ADGRL2: variants seen among roughly 807,000 people sequenced by gnomAD.
ADGRL2 encodes adhesion G protein-coupled receptor L2.
A neutral mutation model predicts 157.4 loss-of-function variants in ADGRL2; 44 were observed. That is an observed-to-expected ratio of 0.28 (90% CI 0.22 to 0.36). The LOEUF (loss-of-function observed/expected upper bound fraction) is 0.36, where lower values mean the gene tolerates loss of function less well. ADGRL2 is among the 10% of genes least tolerant of loss of function. The pLI, the probability that ADGRL2 is intolerant of heterozygous loss-of-function variation, is 1.00. For synonymous variants in ADGRL2, 585 were observed against 624.7 expected (o/e 0.94, Z 0.95); for missense variants, 1,510 against 1,768.9 (o/e 0.85, Z 2.63).
intron 3 of ADGRL2, among the ~76,000 whole-genome samples, chr1:81,608,360 A>G (rs1238018019): frequency 6.6e-6 from 1 of 152,208 alleles, no homozygotes; most frequent in Non-Finnish European, 1.5e-5. Context: ...CTCCAGAACC[A>G]GCTTCACAGC....
At chr1:81,528,010 T>G (rs796235183) in intron 2 of ADGRL2, among the ~76,000 whole-genome samples, 1 of 152,002 alleles carries the variant, frequency 6.6e-6, no homozygotes, top group African/African-American at 2.4e-5. Flanking sequence ...GAGCTTGCAG[T>G]GAGCCGAGAT....
chr1:81,379,220 C>A (rs2076302648), intron 1 of ADGRL2, among the ~76,000 whole-genome samples: 1 of 152,252 alleles, frequency 6.6e-6, no homozygotes, highest in East Asian at 1.9e-4. Context: ...GGGTGTGGCT[C>A]GCTTCTTCAG....
chr1:81,324,493 A>T lies in ADGRL2; in HGVS notation c.-302+17984A>T, dbSNP rs1485488152. Among the ~76,000 whole-genome samples, 11 of 150,894 alleles carry T rather than the reference A, an allele frequency of 7.3e-5. No homozygotes were observed. In the East Asian group the frequency reaches 2.1e-3, roughly 29 times the overall value. On this transcript the variant is annotated intron_variant, in intron 1 of 24. Transcript: ENST00000370721. ...TACTGAACTCTAGCCTGAGTGACAG[A>T]ATGAGACCCTGTCTCAAAAAAAAAA...
At chr1:81,852,336 G>GA (rs1557775083) in intron 2 of ADGRL2, among the ~76,000 whole-genome samples, 1 of 152,030 alleles carries the variant, frequency 6.6e-6, no homozygotes, top group Non-Finnish European at 1.5e-5. Flanking sequence ...TAGAACAGAT[G>GA]AAAAACCTTC....
chr1:81,705,083 C>T lies in ADGRL2; in HGVS notation c.-143+5275C>T, dbSNP rs186892211. The stretch of plus-strand genomic sequence containing the variant: ...TTATTTATTTATTGAGACAGAGTCC[C>T]GCTCTGTCGCCCAGGCTGGAATGCA... On this transcript the variant is annotated intron_variant, in intron 1 of 20. Transcript: ENST00000359929. 1.4e-3 allele frequency among the ~76,000 whole-genome samples: 213 copies of T among 152,158 alleles called. 1 individual carries two copies. Among genetic ancestry groups the T allele is most frequent in the Middle Eastern group, 6.8e-3 (2 of 294 alleles).
intron 3 of ADGRL2, among the ~76,000 whole-genome samples, chr1:81,664,131 C>T (rs1431062137): frequency 6.6e-6 from 1 of 151,788 alleles, no homozygotes; most frequent in East Asian, 1.9e-4. Context: ...CTAAATTATC[C>T]AGATCCGGAA....
intron 3 of ADGRL2, among the ~76,000 whole-genome samples, chr1:81,581,694 T>C (rs1030341020): frequency 5.3e-5 from 8 of 152,180 alleles, no homozygotes; most frequent in African/African-American, 1.9e-4. Flanking sequence ...GATATATATT[T>C]CATCAATACT....
At chr1:81,606,745 CGT>C (rs56718232) in intron 3 of ADGRL2, among the ~76,000 whole-genome samples, 3,071 of 146,974 alleles carry the variant, frequency 0.021, 79 homozygotes, top group African/African-American at 0.06. Context: ...AGAGGATCAA[CGT>C]GTGTGTGTGT....
chr1:81,596,416 ATT>A, intron 3 of ADGRL2: 2 of 468,686 alleles, frequency 4.3e-6, no homozygotes, highest in South Asian at 3.4e-5. Context: ...TTCTCCAGAG[ATT>A]TTACATTGCA....
At chr1:81,551,264 T>C (rs1293738597) in intron 2 of ADGRL2, among the ~76,000 whole-genome samples, 2 of 152,188 alleles carry the variant, frequency 1.3e-5, no homozygotes, top group Non-Finnish European at 2.9e-5. Context: ...TCAAGTCTGC[T>C]AAAGACTAGC....
intron 1 of ADGRL2, among the ~76,000 whole-genome samples, chr1:81,357,067 A>G (rs1009766525): frequency 6.6e-6 from 1 of 151,838 alleles, no homozygotes; most frequent in African/African-American, 2.4e-5. Flanking sequence ...AGGAATAGCT[A>G]GGTAATGGCT....
intron 3 of ADGRL2, among the ~76,000 whole-genome samples, chr1:81,612,313 T>C (rs2081558368): frequency 1.3e-5 from 2 of 152,280 alleles, no homozygotes; most frequent in African/African-American, 2.4e-5. Flanking sequence ...CTTTCCAATC[T>C]GGATCAACAT....
intron 3 of ADGRL2, among the ~76,000 whole-genome samples, chr1:81,912,280 C>T (rs781731520): frequency 1.3e-4 from 19 of 151,964 alleles, no homozygotes; most frequent in Non-Finnish European, 2.5e-4. Flanking sequence ...CCATATTGTC[C>T]AGGATGGTCT....
At chr1:81,930,591 A>G (rs1438763340) in intron 3 of ADGRL2, among the ~76,000 whole-genome samples, 5 of 152,176 alleles carry the variant, frequency 3.3e-5, no homozygotes, top group Admixed American at 6.5e-5. Context: ...ATCTTTTTTG[A>G]AATATATGTT....
At chr1:81,986,673 G>A (rs1427061188) in intron 21 of ADGRL2, among the ~76,000 whole-genome samples, 1 of 151,964 alleles carries the variant, frequency 6.6e-6, no homozygotes, top group Non-Finnish European at 1.5e-5. Flanking sequence ...GTTTACTTGG[G>A]GGATTTAGAA....
intron 2 of ADGRL2, among the ~76,000 whole-genome samples, chr1:81,561,945 G>T (rs1557463704): frequency 6.6e-6 from 1 of 152,016 alleles, no homozygotes; most frequent in Non-Finnish European, 1.5e-5. Flanking sequence ...GCCTTTTGGG[G>T]CAACTGACAA....
chr1:81,849,865 T>C (rs1196035154), intron 2 of ADGRL2, among the ~76,000 whole-genome samples: 2 of 151,932 alleles, frequency 1.3e-5, no homozygotes, highest in African/African-American at 2.4e-5. Flanking sequence ...ATTTAGAAGA[T>C]AAATACATAC....
At chr1:81,794,894 A>T (rs1221255210) in intron 2 of ADGRL2, among the ~76,000 whole-genome samples, 1 of 152,228 alleles carries the variant, frequency 6.6e-6, no homozygotes, top group Non-Finnish European at 1.5e-5. Context: ...GCTCAGACAT[A>T]TTTATTTTTA....
intron 2 of ADGRL2, among the ~76,000 whole-genome samples, chr1:81,782,730 G>A (rs2086867908): frequency 6.6e-6 from 1 of 152,198 alleles, no homozygotes; most frequent in Admixed American, 6.5e-5. Flanking sequence ...GCCAGAATGA[G>A]CATTGGAAGT....
Sources: gnomAD v4.1 joint callset for allele counts (sites outside exome capture counted in the v4.1 genomes callset) on GRCh38, gnomAD v4.1.1 for gene constraint, MANE v1.5 for transcripts, NCBI Gene and HGNC (gene_info 2026-07-23, HGNC 2026-07-21) for gene names.